LYRM4: variants seen among roughly 807,000 people sequenced by gnomAD.
LYRM4 encodes the protein LYR motif containing 4.
Under a neutral mutation model 11.7 loss-of-function variants are expected in LYRM4, and 9 were observed. That is an observed-to-expected ratio of 0.77 (90% confidence interval 0.46 to 1.34). The LOEUF is 1.34. LYRM4 is among the 40% of genes most tolerant of loss of function. The pLI is 0.00. For synonymous variants in LYRM4, 42 were observed against 40.4 expected (o/e 1.04, Z -0.15); for missense variants, 133 against 112.5 (o/e 1.18, Z -0.82).
chr6:5,144,248 G>A (rs1218913564), intron 2 of LYRM4: 1 of 1,536,956 alleles, frequency 6.5e-7, no homozygotes. Context: ...TGGCGGCTGT[G>A]CCTTGCTCAG....
At chr6:5,139,868 T>C (rs994108366) in intron 2 of LYRM4, among the ~76,000 whole-genome samples, 2 of 150,308 alleles carry the variant, frequency 1.3e-5, no homozygotes, top group African/African-American at 2.4e-5. Context: ...GACAGGGTCT[T>C]GCTCTGTTGC....
At chr6:5,178,324 C>A (rs1209389650) in intron 2 of LYRM4, among the ~76,000 whole-genome samples, 1 of 151,884 alleles carries the variant, frequency 6.6e-6, no homozygotes, top group Non-Finnish European at 1.5e-5. Flanking sequence ...GAAGGCCATT[C>A]TGAAAAGGAA....
the LYRM4 span, among the ~76,000 whole-genome samples, chr6:5,095,704 G>A: frequency 1.3e-4 from 20 of 152,200 alleles, no homozygotes; most frequent in Non-Finnish European, 1.6e-4. Context: ...TTGGCTGGGC[G>A]TGGTGGCTCA....
the LYRM4 span, chr6:5,086,764 G>A: frequency 1.7e-6 from 1 of 587,980 alleles, no homozygotes; most frequent in Admixed American, 3.1e-5. Flanking sequence ...CCCGGGCAAT[G>A]CTCCGAAAGC....
chr6:5,110,576 C>T (rs984949625), intron 2 of LYRM4, among the ~76,000 whole-genome samples: 4 of 152,004 alleles, frequency 2.6e-5, no homozygotes, highest in African/African-American at 4.8e-5. Flanking sequence ...CAAGAGAAAG[C>T]GAAGGAAGAG....
At chr6:5,095,956 G>A in the LYRM4 span, among the ~76,000 whole-genome samples, 96,494 of 151,968 alleles carry the variant, frequency 0.63, 31,469 homozygotes, top group East Asian at 0.81. Flanking sequence ...CTACAGCCTG[G>A]GTGACAGAGT....
chr6:5,230,232 A>T (rs931165820), intron 1 of LYRM4, among the ~76,000 whole-genome samples: 1 of 152,188 alleles, frequency 6.6e-6, no homozygotes. Context: ...ACATGCTCCT[A>T]AACTCAAAGA....
At chr6:5,076,961 G>A in the LYRM4 span, among the ~76,000 whole-genome samples, 91 of 152,294 alleles carry the variant, frequency 6.0e-4, 1 homozygote, top group Admixed American at 3.8e-3. Context: ...AACAAGAGAG[G>A]CCATATCTTC....
intron 2 of LYRM4, chr6:5,136,303 C>G: frequency 1.0e-6 from 1 of 985,368 alleles, no homozygotes; most frequent in Non-Finnish European, 1.2e-6. Context: ...CTTTTAAAAC[C>G]AAATCAGTAT....
intron 2 of LYRM4, among the ~76,000 whole-genome samples, chr6:5,174,061 G>A (rs1446754649): frequency 6.6e-6 from 1 of 152,236 alleles, no homozygotes; most frequent in African/African-American, 2.4e-5. Context: ...CTGCAACCCA[G>A]TGTGCAAAGT....
chr6:5,133,334 C>G lies in LYRM4; in HGVS notation c.208-23843G>C, dbSNP rs202130577. Reference sequence around the variant, plus strand: ...GTAGGCAGCAGATTCCTGACAGCGTCTGCTGTCTGACAGGAGTGCAAAAGA... The same window carrying G: ...GTAGGCAGCAGATTCCTGACAGCGTGTGCTGTCTGACAGGAGTGCAAAAGA... On this transcript the variant is annotated intron_variant, in intron 2 of 2. Coordinates refer to ENST00000330636, the MANE Select transcript of LYRM4 (RefSeq NM_020408.6). Among the ~76,000 whole-genome samples the G allele has an allele frequency of 8.5e-5, 13 of 152,376 alleles. No homozygotes were observed. In the East Asian group the frequency reaches 2.3e-3, roughly 27 times the overall value.
At chr6:5,234,686 T>C (rs1763435324) in intron 1 of LYRM4, among the ~76,000 whole-genome samples, 1 of 151,300 alleles carries the variant, frequency 6.6e-6, no homozygotes, top group African/African-American at 2.4e-5. Flanking sequence ...AAAGGAAAGA[T>C]AAAAATATCG....
chr6:5,042,627 C>A, the LYRM4 span: 1 of 152,658 alleles, frequency 6.6e-6, no homozygotes, highest in Admixed American at 6.5e-5. Flanking sequence ...AGATGACATT[C>A]CTCAGAAGCT....
At chr6:5,185,985 A>G (rs1266675790) in intron 2 of LYRM4, among the ~76,000 whole-genome samples, 1 of 152,156 alleles carries the variant, frequency 6.6e-6, no homozygotes. Context: ...GAATGGTCAG[A>G]CGCTTTGGAC....
chr6:5,168,558 G>C (rs1167153811), intron 2 of LYRM4, among the ~76,000 whole-genome samples: 1 of 152,114 alleles, frequency 6.6e-6, no homozygotes, highest in Non-Finnish European at 1.5e-5. Flanking sequence ...ACAAAAACAG[G>C]AGAAAGTGGG....
chr6:5,131,743 A>G (rs1038969559), intron 2 of LYRM4, among the ~76,000 whole-genome samples: 2 of 152,202 alleles, frequency 1.3e-5, no homozygotes, highest in African/African-American at 4.8e-5. Context: ...ATTTTTTATT[A>G]GATTTTCAAA....
At chr6:5,189,045 G>A (rs1760592705) in intron 2 of LYRM4, among the ~76,000 whole-genome samples, 1 of 152,214 alleles carries the variant, frequency 6.6e-6, no homozygotes, top group Non-Finnish European at 1.5e-5. Context: ...ACAGCTGTGA[G>A]CCACTGCATG....
intron 2 of LYRM4, among the ~76,000 whole-genome samples, chr6:5,173,979 C>T (rs559289058): frequency 3.4e-4 from 52 of 152,214 alleles, no homozygotes; most frequent in Admixed American, 3.2e-3. Flanking sequence ...GGCTTTGTTT[C>T]GAGGCCTGGG....
At chr6:5,068,211 C>T in the LYRM4 span, among the ~76,000 whole-genome samples, 4 of 152,194 alleles carry the variant, frequency 2.6e-5, no homozygotes, top group African/African-American at 9.7e-5. This position sits in a 1 kb window ranked among gnomAD's most constrained non-coding sequence, Gnocchi z 4.0. Context: ...CACCGTCACA[C>T]TGTATGAGGT....
Sources: allele counts gnomAD v4.1 joint callset (sites outside exome capture counted in the v4.1 genomes callset), GRCh38; gene constraint gnomAD v4.1.1; non-coding constraint Gnocchi (gnomAD v3.1); transcripts MANE v1.5; gene names NCBI Gene and HGNC (gene_info 2026-07-23, HGNC 2026-07-21).